The following GRXCR1 variants were observed in gnomAD, a reference collection of about 807,000 sequenced individuals.
GRXCR1 encodes glutaredoxin domain-containing cysteine-rich protein 1.
In GRXCR1, 27 loss-of-function variants were observed where a neutral mutation model predicts 27.3. The observed-to-expected ratio is 0.99, with a 90% CI of 0.73 to 1.37. The LOEUF is 1.37. GRXCR1 is among the 40% of genes most tolerant of loss of function. The pLI is 0.00. For synonymous variants in GRXCR1, 122 were observed against 131.1 expected, an observed-to-expected ratio of 0.93 and a Z score of 0.47; for missense variants, 379 against 354.4, an observed-to-expected ratio of 1.07 and a Z score of -0.56.
chr4:43,011,146 A>G (rs769662135), intron 2 of GRXCR1, among the ~76,000 whole-genome samples: 6 of 152,192 alleles, frequency 3.9e-5, no homozygotes, highest in Non-Finnish European at 7.3e-5. Flanking sequence ...AACACATAAT[A>G]AATAGACTCA....
At chr4:42,895,934 T>C (rs1428069693) in intron 1 of GRXCR1, among the ~76,000 whole-genome samples, 2 of 152,222 alleles carry the variant, frequency 1.3e-5, no homozygotes, top group African/African-American at 4.8e-5. Flanking sequence ...CTGGATGTAA[T>C]TTAGTAATCT....
chr4:42,911,709 T>C (rs1376384235), intron 1 of GRXCR1, among the ~76,000 whole-genome samples: 1 of 152,136 alleles, frequency 6.6e-6, no homozygotes, highest in African/African-American at 2.4e-5. Context: ...CTGTGAAATC[T>C]TGGGCAAAAT....
At chr4:43,013,027 A>G (rs918215757) in intron 2 of GRXCR1, among the ~76,000 whole-genome samples, 5 of 152,190 alleles carry the variant, frequency 3.3e-5, no homozygotes, top group Non-Finnish European at 7.4e-5. Context: ...AAAATAACAG[A>G]CGCTAGTGAG....
At position 42,903,477 on chromosome 4, in the gene GRXCR1, A is replaced by G. The variant is rs1746514389; in HGVS notation, c.384+9827A>G. ...CAGGCACCCACCACCACGCCAGGCT[A>G]ATTTTTTGTATTTTTTAGTAGAAAT... On this transcript the variant is annotated intron_variant, in intron 1 of 3. Transcript: ENST00000399770. Among the ~76,000 whole-genome samples, 4 of 145,626 alleles carry G rather than the reference A, an allele frequency of 2.7e-5. 2 individuals are homozygous for G. Among genetic ancestry groups the G allele is most frequent in the Admixed American group, 1.5e-4 (2 of 13,716 alleles).
chr4:42,893,858 A>T (rs757697155), intron 1 of GRXCR1, among the ~76,000 whole-genome samples: 3 of 152,184 alleles, frequency 2.0e-5, no homozygotes, highest in Non-Finnish European at 2.9e-5. Flanking sequence ...CTCAAAGCCA[A>T]ATTTCTAACA....
At chr4:42,893,674 C>T (rs1746285188) in intron 1 of GRXCR1, 24 bp downstream of exon 1, 1 of 1,608,068 alleles carries the variant, frequency 6.2e-7, no homozygotes, top group Non-Finnish European at 8.5e-7. Context: ...GTTTCCTTCT[C>T]CTGCTCTTTG....
At chr4:42,934,901 G>C (rs772704577) in intron 1 of GRXCR1, among the ~76,000 whole-genome samples, 9 of 151,950 alleles carry the variant, frequency 5.9e-5, no homozygotes, top group Non-Finnish European at 1.3e-4. Context: ...TTTCTCTGAA[G>C]TTTAGTAAAC....
chr4:42,985,509 C>T (rs1465747806), intron 2 of GRXCR1, among the ~76,000 whole-genome samples: 1 of 152,002 alleles, frequency 6.6e-6, no homozygotes, highest in Non-Finnish European at 1.5e-5. Flanking sequence ...ATGGAACTTG[C>T]AGTCAGTATC....
chr4:42,905,696 A>T (rs994303856), intron 1 of GRXCR1, among the ~76,000 whole-genome samples: 2 of 152,202 alleles, frequency 1.3e-5, no homozygotes, highest in East Asian at 1.9e-4. Context: ...TGGCAAAAGA[A>T]AACATTCCTT....
At chr4:43,009,906 A>G (rs1712685635) in intron 2 of GRXCR1, among the ~76,000 whole-genome samples, 2 of 152,286 alleles carry the variant, frequency 1.3e-5, no homozygotes, top group South Asian at 4.1e-4. Context: ...TATCATCCAT[A>G]TGAATCATAA....
In GRXCR1 at chr4:42,962,985, A is replaced by G. The variant is rs201655438; in HGVS notation, c.478A>G (p.Arg160Gly). 32 of 1,612,810 alleles carry G rather than the reference A, an allele frequency of 2.0e-5. No homozygotes were observed. Among genetic ancestry groups the G allele is most frequent in the Non-Finnish European group, 2.6e-5 (31 of 1,179,178 alleles). The change falls in exon 2 of 4, where the codon AGA becomes GGA. Residue 160 changes from arginine (R) to glycine (G), a missense_variant. Arg to Gly is a moderately radical substitution (Grantham distance 125). Transcript: ENST00000399770. ...AACCTTTGAAAGATGTGAACTGGTT[A>G]GAAAGATTTTCCAAAACCATCGCGT... ...RTTFERCELV[R>G]KIFQNHRVKF...
At chr4:43,017,277 G>A (rs575473696) in intron 2 of GRXCR1, among the ~76,000 whole-genome samples, 1 of 152,210 alleles carries the variant, frequency 6.6e-6, no homozygotes, top group Admixed American at 6.5e-5. Flanking sequence ...CCCCAGACTA[G>A]GAGTTCTCTG....
At chr4:43,002,081 G>A (rs185675314) in intron 2 of GRXCR1, among the ~76,000 whole-genome samples, 2,046 of 132,702 alleles carry the variant, frequency 0.015, 39 homozygotes, top group African/African-American at 0.053. Context: ...TCTCAGAATC[G>A]AACAAATGTA....
chr4:42,940,545 T>G (rs954188611), intron 1 of GRXCR1, among the ~76,000 whole-genome samples: 4 of 152,088 alleles, frequency 2.6e-5, no homozygotes, highest in African/African-American at 9.6e-5. Flanking sequence ...TGTGATCTCA[T>G]TTGGCATTTT....
In GRXCR1 at chr4:42,945,125, G is replaced by A. The variant is rs114997013; in HGVS notation, c.385-17767G>A. On this transcript the variant is annotated intron_variant, in intron 1 of 3. Coordinates refer to ENST00000399770, the MANE Select transcript of GRXCR1 (RefSeq NM_001080476.3). ...CCCCTTCCACCATGTGAAGACACGCGGAGAAGATACCATCTATAAGGAACA... is the reference window on the plus strand; with the variant it reads ...CCCCTTCCACCATGTGAAGACACGCAGAGAAGATACCATCTATAAGGAACA... 2.9e-3 allele frequency among the ~76,000 whole-genome samples: 444 copies of A among 152,226 alleles called. 2 individuals carry two copies. The highest frequency in any genetic ancestry group is 0.014 in the Middle Eastern group (4 of 294).
At chr4:42,902,924 G>T (rs1185889005) in intron 1 of GRXCR1, among the ~76,000 whole-genome samples, 1 of 152,294 alleles carries the variant, frequency 6.6e-6, no homozygotes, top group East Asian at 1.9e-4. Context: ...GGAGTCATTT[G>T]TCCCCAAGGG....
At chr4:42,983,132 T>C (rs1227950625) in intron 2 of GRXCR1, among the ~76,000 whole-genome samples, 5,636 of 150,294 alleles carry the variant, frequency 0.037, 316 homozygotes, top group African/African-American at 0.13. Flanking sequence ...TCCTTGCCCA[T>C]GCCTATGTCC....
At chr4:42,927,332 A>G (rs1210569286) in intron 1 of GRXCR1, among the ~76,000 whole-genome samples, 2 of 152,026 alleles carry the variant, frequency 1.3e-5, no homozygotes, top group African/African-American at 2.4e-5. Context: ...TGATGCTACC[A>G]AAAGTTAGTT....
At position 42,982,657 on chromosome 4, in the gene GRXCR1, T is replaced by A. The variant is rs1176521752; in HGVS notation, c.627+19523T>A. Among the ~76,000 whole-genome samples, 4 of 131,716 alleles carry A rather than the reference T, an allele frequency of 3.0e-5. No individual in the cohort carries two copies. In the Admixed American group the frequency reaches 3.1e-4, roughly 10 times the overall value. 86.4% of individuals were successfully genotyped at this position (131,716 alleles called of 152,430 possible). ...CTGACTTCCACAATGGTTGAACTAG[T>A]TTACAGTCCCACCAACAGTGTAAAA... On this transcript the variant is annotated intron_variant, in intron 2 of 3. Transcript: ENST00000399770.
Sources: allele counts gnomAD v4.1 joint callset (sites outside exome capture counted in the v4.1 genomes callset), GRCh38; gene constraint gnomAD v4.1.1; transcripts MANE v1.5; gene names NCBI Gene and HGNC (gene_info 2026-07-23, HGNC 2026-07-21).